PRKCA: variants seen among roughly 807,000 people sequenced by gnomAD.
PRKCA encodes the protein protein kinase C alpha.
PRKCA carries 27 observed loss-of-function variants against 87.0 expected under a neutral mutation model. The ratio of observed to expected loss-of-function variants is 0.31; its 90% CI spans 0.23 to 0.43. The LOEUF is 0.43. Among genes scored for constraint, PRKCA ranks in the 20% least tolerant of loss-of-function variants. PRKCA has a pLI of 1.00. For missense variants in PRKCA, 518 were observed against 852.3 expected, an observed-to-expected ratio of 0.61 and a Z score of 4.88; for synonymous variants, 329 against 311.1, an observed-to-expected ratio of 1.06 and a Z score of -0.61.
intron 11 of PRKCA, among the ~76,000 whole-genome samples, chr17:66,740,590 T>C (rs1227712152): frequency 6.6e-6 from 1 of 152,172 alleles, no homozygotes; most frequent in African/African-American, 2.4e-5. Flanking sequence ...AAGGGGGATT[T>C]TTCTGCCTTT....
chr17:66,422,361 A>G (rs886329441), intron 2 of PRKCA, among the ~76,000 whole-genome samples: 6 of 152,208 alleles, frequency 3.9e-5, no homozygotes, highest in African/African-American at 1.4e-4. Flanking sequence ...TTGATGTGTC[A>G]TGGATTAGAA....
intron 16 of PRKCA, among the ~76,000 whole-genome samples, chr17:66,798,434 ACGGTGG>A (rs1975735717): frequency 1.5e-4 from 3 of 19,614 alleles, no homozygotes; most frequent in Admixed American, 5.6e-4. Flanking sequence ...GGTGGTGGTG[ACGGTGG>A]TGGTGGTGGT....
At chr17:66,348,802 A>C (rs1157904369) in intron 2 of PRKCA, among the ~76,000 whole-genome samples, 2 of 152,202 alleles carry the variant, frequency 1.3e-5, no homozygotes, top group Non-Finnish European at 2.9e-5. Context: ...AGTTAGGCTA[A>C]TCTAACAAAT....
intron 2 of PRKCA, among the ~76,000 whole-genome samples, chr17:66,341,716 C>A (rs1397409832): frequency 3.9e-5 from 6 of 152,182 alleles, no homozygotes; most frequent in Admixed American, 2.0e-4. Flanking sequence ...CAGCACAGTG[C>A]GATAGCAGCT....
chr17:66,775,281 T>C (rs903843767), intron 14 of PRKCA: 42 of 984,988 alleles, frequency 4.3e-5, no homozygotes, highest in Non-Finnish European at 4.8e-5. Context: ...TCAGCCCTAC[T>C]ACCTTTTAGG....
At chr17:66,630,399 G>T (rs1168704658) in intron 3 of PRKCA, among the ~76,000 whole-genome samples, 3 of 152,182 alleles carry the variant, frequency 2.0e-5, no homozygotes, top group Non-Finnish European at 4.4e-5. Flanking sequence ...ATGATCATAG[G>T]TCCTACCCAT....
intron 2 of PRKCA, among the ~76,000 whole-genome samples, chr17:66,325,555 C>T (rs1442322036): frequency 6.6e-6 from 1 of 152,186 alleles, no homozygotes; most frequent in African/African-American, 2.4e-5. Flanking sequence ...GTGGGATCCT[C>T]ACCCCAGCAA....
intron 10 of PRKCA, 35 bp downstream of exon 10, chr17:66,735,697 C>T (rs771844264): frequency 6.3e-7 from 1 of 1,598,646 alleles, no homozygotes; most frequent in Non-Finnish European, 8.5e-7. Flanking sequence ...ATGCAGTACC[C>T]AGCTCTCAGA....
intron 8 of PRKCA, among the ~76,000 whole-genome samples, chr17:66,692,488 T>C (rs1243217375): frequency 6.6e-6 from 1 of 152,162 alleles, no homozygotes; most frequent in East Asian, 1.9e-4. Flanking sequence ...GTTGCAAGAC[T>C]TCCCCAGTGC....
chr17:66,567,813 T>C lies in PRKCA; in HGVS notation c.288+71530T>C, dbSNP rs561734273. Among the ~76,000 whole-genome samples the C allele has an allele frequency of 5.3e-5, 8 of 152,252 alleles. No individual in the cohort carries two copies. The South Asian group carries it at 1.0e-3, about 20-fold the overall frequency. ...GTTTATTTAAGAACGATTTGAAAAA[T>C]TCCTATAAGTGAAAATCAGATGGGA... On this transcript the variant is annotated intron_variant, in intron 3 of 16. Coordinates refer to ENST00000413366, the MANE Select transcript of PRKCA (RefSeq NM_002737.3).
At chr17:66,406,822 A>G (rs560003074) in intron 2 of PRKCA, among the ~76,000 whole-genome samples, 1 of 151,936 alleles carries the variant, frequency 6.6e-6, no homozygotes, top group Admixed American at 6.6e-5. Context: ...CAGGTGAGAG[A>G]GGGATGTCAG....
At position 66,731,723 on chromosome 17, in the gene PRKCA, C is replaced by T. The variant is rs535807387; in HGVS notation, c.919-965C>T. 7.3e-5 allele frequency among the ~76,000 whole-genome samples: 11 copies of T among 151,544 alleles called. No individual in the cohort carries two copies. In the East Asian group the frequency reaches 2.1e-3, roughly 29 times the overall value. ...AAAACTCCTCTGGTAGCTCGCCCACCAGGCAGTGACCAGATATTCTTCAGG... is the reference window on the plus strand; with the variant it reads ...AAAACTCCTCTGGTAGCTCGCCCACTAGGCAGTGACCAGATATTCTTCAGG... On this transcript the variant is annotated intron_variant, in intron 8 of 16. Coordinates refer to ENST00000413366, the MANE Select transcript of PRKCA (RefSeq NM_002737.3).
intron 3 of PRKCA, among the ~76,000 whole-genome samples, chr17:66,630,501 G>C (rs541778146): frequency 3.1e-4 from 47 of 152,352 alleles, no homozygotes; most frequent in South Asian, 6.2e-4. Flanking sequence ...GCTGCTTCAA[G>C]AAGCATTGAC....
At chr17:66,765,756 C>T (rs534192235) in intron 13 of PRKCA, among the ~76,000 whole-genome samples, 7 of 151,972 alleles carry the variant, frequency 4.6e-5, no homozygotes, top group South Asian at 2.1e-4. Context: ...CATCCTAAGT[C>T]GTGTGTATCT....
intron 11 of PRKCA, 95 bp from the exon 12 acceptor site, chr17:66,741,564 T>C (rs1598910200): frequency 1.4e-6 from 2 of 1,388,568 alleles, no homozygotes; most frequent in East Asian, 4.7e-5. Flanking sequence ...GGGTCTGACA[T>C]TCTTTTCTCT....
chr17:66,584,307 C>A (rs182416575), intron 3 of PRKCA, among the ~76,000 whole-genome samples: 1 of 152,060 alleles, frequency 6.6e-6, no homozygotes, highest in South Asian at 2.1e-4. Context: ...CTGCAACCTC[C>A]GCCTCCTGGT....
At chr17:66,374,059 C>T (rs964137739) in intron 2 of PRKCA, among the ~76,000 whole-genome samples, 2 of 152,130 alleles carry the variant, frequency 1.3e-5, no homozygotes, top group Non-Finnish European at 2.9e-5. Context: ...CGGCAGTGCT[C>T]CCCTGGAAGG....
chr17:66,664,013 A>T (rs947627258), intron 5 of PRKCA, among the ~76,000 whole-genome samples: 3 of 151,910 alleles, frequency 2.0e-5, no homozygotes, highest in African/African-American at 7.3e-5. Flanking sequence ...AACTACAGGC[A>T]CATGCCACCA....
intron 5 of PRKCA, among the ~76,000 whole-genome samples, chr17:66,684,415 GCA>G (rs1455697442): frequency 6.6e-6 from 1 of 152,230 alleles, no homozygotes; most frequent in African/African-American, 2.4e-5. Flanking sequence ...TACACTCTGA[GCA>G]GATGGGACCC....
Sources: gnomAD v4.1 joint callset for allele counts (sites outside exome capture counted in the v4.1 genomes callset) on GRCh38, gnomAD v4.1.1 for gene constraint, MANE v1.5 for transcripts, NCBI Gene and HGNC (gene_info 2026-07-23, HGNC 2026-07-21) for gene names.